PIK3C2A: variants seen among roughly 807,000 people sequenced by gnomAD.
PIK3C2A encodes the protein phosphatidylinositol 4-phosphate 3-kinase C2 domain-containing subunit alpha.
In PIK3C2A, 97 loss-of-function variants were observed where a neutral mutation model predicts 204.5. The observed-to-expected ratio is 0.47, with a 90% confidence interval of 0.40 to 0.56. The LOEUF (loss-of-function observed/expected upper bound fraction) is 0.56. Ranked by LOEUF, PIK3C2A falls within the 20% of genes least tolerant of loss-of-function variation. The pLI is 0.00. For synonymous variants in PIK3C2A, 653 were observed against 664.4 expected, an observed-to-expected ratio of 0.98 and a Z score of 0.26; for missense variants, 1,735 against 1,969.2, an observed-to-expected ratio of 0.88 and a Z score of 2.25.
rs1852034814 is a variant in PIK3C2A, at chr11:17,193,872, G to GAAA, written c.-66+13973_-66+13975dup. The GAAA allele has an allele frequency of 1.8e-5, 3 of 168,712 alleles. 1 individual carries two copies. The highest frequency in any genetic ancestry group is 9.5e-5 in the African/African-American group (3 of 31,468). 10.5% of individuals were successfully genotyped at this position (168,712 alleles called of 1,614,324 possible). Reference sequence around the variant, plus strand: ...AAAAAGAAAAGAAAAGAAAAGAAAAGAAAAGAAAAGAAAAGAAAAGAAAAG... The same window carrying GAAA: ...AAAAAGAAAAGAAAAGAAAAGAAAAGAAAAAAAGAAAAGAAAAGAAAAGAAAAG... On this transcript the variant is annotated intron_variant, in intron 1 of 32. Coordinates refer to ENST00000691414, the MANE Select transcript of PIK3C2A (RefSeq NM_002645.4).
chr11:17,141,756 G>A (rs1293685988), intron 8 of PIK3C2A, among the ~76,000 whole-genome samples: 1 of 152,210 alleles, frequency 6.6e-6, no homozygotes, highest in East Asian at 1.9e-4. Flanking sequence ...ATACTGTAGA[G>A]GGCAGGGGTA....
intron 1 of PIK3C2A, among the ~76,000 whole-genome samples, chr11:17,179,899 T>C (rs1027674163): frequency 1.3e-5 from 2 of 152,190 alleles, no homozygotes; most frequent in Non-Finnish European, 2.9e-5. Context: ...TGTGAACCAT[T>C]GTCCTGGCTC....
chr11:17,192,005 C>T (rs1196205755), intron 1 of PIK3C2A, among the ~76,000 whole-genome samples: 2 of 151,158 alleles, frequency 1.3e-5, no homozygotes, highest in Admixed American at 1.3e-4. Flanking sequence ...AATTAGCCAG[C>T]GTGGTGGTGC....
At chr11:17,105,899 A>G (rs1486898913) in intron 22 of PIK3C2A, among the ~76,000 whole-genome samples, 3 of 152,166 alleles carry the variant, frequency 2.0e-5, no homozygotes, top group African/African-American at 7.2e-5. Context: ...ACTTGAGGTC[A>G]GGAGTTTGAG....
chr11:17,201,463 G>T (rs1375849291), intron 1 of PIK3C2A, among the ~76,000 whole-genome samples: 1 of 145,224 alleles, frequency 6.9e-6, no homozygotes, highest in Non-Finnish European at 1.5e-5. Context: ...GGAGGCAGAG[G>T]TTGCAGTGAG....
intron 13 of PIK3C2A, among the ~76,000 whole-genome samples, chr11:17,128,398 C>T (rs990215348): frequency 1.3e-5 from 2 of 151,520 alleles, no homozygotes; most frequent in Non-Finnish European, 2.9e-5. Flanking sequence ...CTATGCCCAG[C>T]TAGCTAATGT....
rs997871319 is a variant in PIK3C2A, at chr11:17,169,980, T to C, written c.-65-174A>G. ...AAGGAACACTTAACACCTTATACAC[T>C]GTTGGGTTACAGAAGATGTTCAGAT... On this transcript the variant is annotated intron_variant, in intron 1 of 32. Coordinates refer to ENST00000691414, the MANE Select transcript of PIK3C2A (RefSeq NM_002645.4). Among the ~76,000 whole-genome samples the C allele has an allele frequency of 3.9e-5, 6 of 152,364 alleles. 1 individual carries two copies. The South Asian group carries it at 1.2e-3, about 32-fold the overall frequency.
At chr11:17,132,976 C>G (rs1392394802) in intron 11 of PIK3C2A, among the ~76,000 whole-genome samples, 1 of 152,160 alleles carries the variant, frequency 6.6e-6, no homozygotes, top group East Asian at 1.9e-4. Flanking sequence ...AAATTGTATT[C>G]TACTTAATCT....
rs1850392518 is a variant in PIK3C2A, at chr11:17,150,535, A to G, written c.1290T>C (p.Ile430=). The change falls in exon 4 of 33, where the codon ATT becomes ATC. Residue 430 remains isoleucine, a synonymous_variant. Transcript: ENST00000691414. ...ENASVKVSID[I]EGFQLPVTFT... ...AAGTAACTGGTAGCTGAAATCCTTCAATGTCAATGGAGACCTTCACACTAG... is the reference window on the plus strand; with the variant it reads ...AAGTAACTGGTAGCTGAAATCCTTCGATGTCAATGGAGACCTTCACACTAG... The G allele has an allele frequency of 1.9e-6, 3 of 1,608,972 alleles. No homozygotes were observed. The highest frequency in any genetic ancestry group is 1.3e-5 in the African/African-American group (1 of 74,486).
At chr11:17,103,585 C>A (rs950516689) in intron 23 of PIK3C2A, among the ~76,000 whole-genome samples, 1 of 152,064 alleles carries the variant, frequency 6.6e-6, no homozygotes, top group Non-Finnish European at 1.5e-5. Flanking sequence ...GCATTTAGCA[C>A]AAACCAGGCA....
intron 2 of PIK3C2A, among the ~76,000 whole-genome samples, chr11:17,156,414 A>G (rs1850595093): frequency 6.6e-6 from 1 of 152,054 alleles, no homozygotes; most frequent in Non-Finnish European, 1.5e-5. Flanking sequence ...TGAGACAAGG[A>G]CTCATTCTGT....
chr11:17,206,829 T>G (rs551316857), intron 1 of PIK3C2A, among the ~76,000 whole-genome samples: 4 of 152,160 alleles, frequency 2.6e-5, no homozygotes, highest in Non-Finnish European at 4.4e-5. Context: ...ATTTAAAAAT[T>G]TTCCCAACAG....
intron 1 of PIK3C2A, among the ~76,000 whole-genome samples, chr11:17,170,207 A>G (rs1851113652): frequency 6.6e-6 from 1 of 152,262 alleles, no homozygotes; most frequent in African/African-American, 2.4e-5. Flanking sequence ...AGAAATAGCA[A>G]GTCAAAATGG....
At chr11:17,121,636 C>T (rs1195806604) in intron 15 of PIK3C2A, among the ~76,000 whole-genome samples, 1 of 152,112 alleles carries the variant, frequency 6.6e-6, no homozygotes, top group Non-Finnish European at 1.5e-5. Context: ...CTTATCAACA[C>T]TTTTCACAAG....
chr11:17,099,725 T>C (rs1463760378), intron 26 of PIK3C2A, 135 bp downstream of exon 26: 1 of 514,842 alleles, frequency 1.9e-6, no homozygotes. Flanking sequence ...GACAGCCTAC[T>C]ATGTGCAATT....
intron 8 of PIK3C2A, among the ~76,000 whole-genome samples, chr11:17,143,798 G>A (rs777903198): frequency 6.6e-6 from 1 of 151,938 alleles, no homozygotes; most frequent in Non-Finnish European, 1.5e-5. Context: ...TTAGCCAGGC[G>A]TGGTGGCACA....
In PIK3C2A at chr11:17,123,421, GT is replaced by G. The variant is rs555389887; in HGVS notation, c.2400-609del. ...GTGGCACCATGCTCAGCTAATTCTT[GT>G]TTTTTTTTTTTTTTTTTGTAGAGAA... On this transcript the variant is annotated intron_variant, in intron 13 of 32. Transcript: ENST00000691414. Among the ~76,000 whole-genome samples the G allele has an allele frequency of 9.2e-3, 1,115 of 121,152 alleles. 1 individual carries two copies. Among genetic ancestry groups the G allele is most frequent in the African/African-American group, 0.029 (963 of 32,834 alleles). The allele number at this position is 121,152 out of a possible 152,430, so 79.5% of individuals were successfully genotyped here.
chr11:17,157,524 C>T (rs1450676413), intron 2 of PIK3C2A, among the ~76,000 whole-genome samples: 1 of 150,640 alleles, frequency 6.6e-6, no homozygotes, highest in Non-Finnish European at 1.5e-5. Flanking sequence ...CTGCAAACAT[C>T]GTTATAGCTG....
intron 20 of PIK3C2A, among the ~76,000 whole-genome samples, chr11:17,113,625 T>C (rs1849071010): frequency 6.6e-6 from 1 of 150,984 alleles, no homozygotes; most frequent in Non-Finnish European, 1.5e-5. Context: ...CTACTAAACA[T>C]ACAAATATTA....
Sources: allele counts gnomAD v4.1 joint callset (sites outside exome capture counted in the v4.1 genomes callset), GRCh38; gene constraint gnomAD v4.1.1; transcripts MANE v1.5; gene names NCBI Gene and HGNC (gene_info 2026-07-23, HGNC 2026-07-21).